The following DPP10 variants were observed in gnomAD, a reference collection of about 807,000 sequenced individuals.
The protein encoded by DPP10 is inactive dipeptidyl peptidase 10.
A neutral mutation model predicts 120.9 loss-of-function variants in DPP10; 33 were observed. The ratio of observed to expected loss-of-function variants is 0.27; its 90% CI spans 0.21 to 0.37. DPP10 has a LOEUF of 0.37. Among genes scored for constraint, DPP10 ranks in the 10% least tolerant of loss-of-function variants. DPP10 has a pLI of 1.00. For missense variants in DPP10, 816 were observed against 942.8 expected (o/e 0.87, Z 1.76); for synonymous variants, 337 against 326.1 (o/e 1.03, Z -0.36).
intron 1 of DPP10, among the ~76,000 whole-genome samples, chr2:114,821,130 A>G (rs1207940942): frequency 6.6e-6 from 1 of 152,162 alleles, no homozygotes; most frequent in Non-Finnish European, 1.5e-5. Flanking sequence ...AGGCTGGAGG[A>G]GGTGGTGTCT....
chr2:114,734,383 CCTTT>C (rs967169907), intron 1 of DPP10, among the ~76,000 whole-genome samples: 2 of 152,170 alleles, frequency 1.3e-5, no homozygotes, highest in Non-Finnish European at 2.9e-5. Context: ...CCTGAACATT[CCTTT>C]CTATCAATCA....
At chr2:114,781,423 ATGTT>A (rs1198684922) in intron 1 of DPP10, among the ~76,000 whole-genome samples, 10 of 151,948 alleles carry the variant, frequency 6.6e-5, no homozygotes, top group Admixed American at 5.9e-4. Flanking sequence ...TCACGGCTTA[ATGTT>A]TGTTTATGTT....
intron 2 of DPP10, among the ~76,000 whole-genome samples, chr2:115,332,607 A>G (rs1183818145): frequency 6.6e-6 from 1 of 152,062 alleles, no homozygotes; most frequent in African/African-American, 2.4e-5. Flanking sequence ...TGTGTCCCAG[A>G]GATTCTGGTA....
chr2:115,450,093 A>T (rs1342328391), intron 3 of DPP10, among the ~76,000 whole-genome samples: 2 of 152,000 alleles, frequency 1.3e-5, no homozygotes, highest in Admixed American at 6.6e-5. Flanking sequence ...TGTCCCAATT[A>T]GCCCATCATA....
At chr2:115,636,087 G>C (rs759129096) in intron 5 of DPP10, among the ~76,000 whole-genome samples, 4 of 150,430 alleles carry the variant, frequency 2.7e-5, no homozygotes, top group Non-Finnish European at 5.9e-5. Flanking sequence ...TGCAATGGGA[G>C]ATTCACTACA....
At chr2:114,800,611 G>A (rs1684108430) in intron 1 of DPP10, among the ~76,000 whole-genome samples, 1 of 152,194 alleles carries the variant, frequency 6.6e-6, no homozygotes, top group Admixed American at 6.5e-5. Context: ...TAGAGAAGGG[G>A]ACTGATTGTT....
In DPP10 at chr2:114,609,693, G is replaced by C. The variant is rs540863269; in HGVS notation, c.60+166855G>C. On this transcript the variant is annotated intron_variant, in intron 1 of 25. Coordinates refer to ENST00000410059, the MANE Select transcript of DPP10 (RefSeq NM_020868.6). ...GTAAACACAGAGATTCCAAACTATC[G>C]CATCCAAACTCCCAACTACTAATTC... Among the ~76,000 whole-genome samples, 6 of 152,266 alleles carry C rather than the reference G, an allele frequency of 3.9e-5. No homozygotes were observed. In the South Asian group the frequency reaches 1.0e-3, roughly 26 times the overall value.
At chr2:114,750,278 T>C (rs1679076966) in intron 1 of DPP10, among the ~76,000 whole-genome samples, 1 of 151,470 alleles carries the variant, frequency 6.6e-6, no homozygotes, top group Admixed American at 6.6e-5. Context: ...GATAAAAAAC[T>C]GGTCTCACCC....
chr2:115,591,832 G>A (rs1173779510), intron 5 of DPP10, among the ~76,000 whole-genome samples: 1 of 152,082 alleles, frequency 6.6e-6, no homozygotes, highest in Non-Finnish European at 1.5e-5. Flanking sequence ...TTATTTTGTT[G>A]AGCAGTGGTT....
At chr2:114,499,026 G>A (rs1358280821) in intron 1 of DPP10, among the ~76,000 whole-genome samples, 1 of 152,214 alleles carries the variant, frequency 6.6e-6, no homozygotes, top group Non-Finnish European at 1.5e-5. Context: ...AGGACAACAT[G>A]CTGAATGAGA....
chr2:115,275,135 C>A (rs1310210534), intron 1 of DPP10, among the ~76,000 whole-genome samples: 2 of 152,188 alleles, frequency 1.3e-5, no homozygotes, highest in Non-Finnish European at 2.9e-5. Flanking sequence ...TAATTGAAAG[C>A]ATTTCATGCA....
chr2:115,805,297 G>A (rs1201679588), intron 19 of DPP10, among the ~76,000 whole-genome samples: 1 of 152,110 alleles, frequency 6.6e-6, no homozygotes, highest in Non-Finnish European at 1.5e-5. Flanking sequence ...GTATTAGGGT[G>A]GGAGTGACCC....
intron 1 of DPP10, among the ~76,000 whole-genome samples, chr2:114,767,207 C>CAAAAAAAAAAAAAAAAAAAAA (rs5833559): frequency 9.1e-5 from 3 of 33,060 alleles, no homozygotes; most frequent in African/African-American, 1.2e-4. Context: ...AGGATAAAAG[C>CAAAAAAAAAAAAAAAAAAAAA]AAAAAAAAAA....
intron 15 of DPP10, among the ~76,000 whole-genome samples, chr2:115,778,473 C>T (rs1575752207): frequency 6.6e-6 from 1 of 152,212 alleles, no homozygotes; most frequent in African/African-American, 2.4e-5. Context: ...TAAAATGTCT[C>T]CTCACTCAGA....
At chr2:115,283,056 T>C (rs2060225835) in intron 1 of DPP10, among the ~76,000 whole-genome samples, 1 of 152,022 alleles carries the variant, frequency 6.6e-6, no homozygotes, top group Non-Finnish European at 1.5e-5. Context: ...TTGGATTAGA[T>C]TTTCTAATCT....
intron 3 of DPP10, among the ~76,000 whole-genome samples, chr2:115,471,151 AT>A (rs2074689359): frequency 6.6e-6 from 1 of 152,300 alleles, no homozygotes; most frequent in African/African-American, 2.4e-5. Context: ...ATTACAGTAA[AT>A]TCATTAAGCA....
At chr2:115,195,133 G>A (rs963149740) in intron 1 of DPP10, among the ~76,000 whole-genome samples, 7 of 152,180 alleles carry the variant, frequency 4.6e-5, no homozygotes, top group African/African-American at 1.7e-4. Context: ...GAGGGGCTCT[G>A]TAATTTGAAA....
intron 7 of DPP10, among the ~76,000 whole-genome samples, chr2:115,707,462 A>ACACT (rs1491330284): frequency 0.013 from 1,680 of 134,314 alleles, 27 homozygotes; most frequent in African/African-American, 0.045. Flanking sequence ...ACACACACAC[A>ACACT]CTCTCTCCAC....
At chr2:114,708,180 G>A (rs1700800230) in intron 1 of DPP10, among the ~76,000 whole-genome samples, 1 of 152,174 alleles carries the variant, frequency 6.6e-6, no homozygotes, top group Admixed American at 6.5e-5. Context: ...TCAGTTCCCC[G>A]AGTCTCAGGA....
Sources: gnomAD v4.1 joint callset for allele counts (sites outside exome capture counted in the v4.1 genomes callset) on GRCh38, gnomAD v4.1.1 for gene constraint, MANE v1.5 for transcripts, NCBI Gene and HGNC (gene_info 2026-07-23, HGNC 2026-07-21) for gene names.